Variants in CCN4 observed in about 807,000 individuals in gnomAD.
CCN4 encodes cellular communication network factor 4.
Under a neutral mutation model 36.7 loss-of-function variants are expected in CCN4, and 30 were observed. The observed-to-expected ratio is 0.82, with a 90% CI of 0.61 to 1.11. The LOEUF is 1.11. CCN4 is among the 50% of genes least tolerant of loss of function. The probability of loss-of-function intolerance (pLI) is 0.00; values close to 1 mark genes in which losing one functional copy is unlikely to be tolerated. For synonymous variants in CCN4, 191 were observed against 195.4 expected, an observed-to-expected ratio of 0.98 and a Z score of 0.19; for missense variants, 505 against 504.9, an observed-to-expected ratio of 1.00 and a Z score of 0.00.
Position 133,213,005 on chromosome 8 carries a change from G to A in CCN4, c.211G>A (p.Asp71Asn), listed in dbSNP as rs867469360. The stretch of plus-strand genomic sequence containing the variant: ...CCCGCTGGGGGTCAGCCTCATCACA[G>A]ATGGCTGTGAGTGCTGTAAGATGTG... ...RCPLGVSLIT[D>N]GCECCKMCAQ... Residue 71 changes from aspartate (D) to asparagine (N), a missense_variant, in exon 2 of 5, where the codon GAT (aspartate) becomes AAT (asparagine). Coordinates refer to ENST00000250160, the MANE Select transcript of CCN4 (RefSeq NM_003882.4). 2 of 1,614,166 alleles carry A rather than the reference G, an allele frequency of 1.2e-6. No individual in the cohort carries two copies. The highest frequency in any genetic ancestry group is 3.3e-4 in the Middle Eastern group (2 of 6,062).
chr8:133,217,172 A>G (rs1028177965), intron 2 of CCN4, among the ~76,000 whole-genome samples: 9 of 152,250 alleles, frequency 5.9e-5, no homozygotes, highest in Non-Finnish European at 1.0e-4. Flanking sequence ...TGCCTGCTAC[A>G]TGGCAGGAGC....
intron 1 of CCN4, among the ~76,000 whole-genome samples, chr8:133,196,432 A>G (rs984648806): frequency 5.3e-5 from 8 of 152,224 alleles, no homozygotes; most frequent in African/African-American, 1.7e-4. Context: ...GGTTAAACAC[A>G]ATCTATTATT....
chr8:133,218,576 T>A (rs564920519), intron 2 of CCN4, among the ~76,000 whole-genome samples: 2 of 152,310 alleles, frequency 1.3e-5, no homozygotes, highest in East Asian at 3.9e-4. Flanking sequence ...TCGAAAACCT[T>A]CATGCCTGCT....
At position 133,228,126 on chromosome 8, in the gene CCN4, A is replaced by T. The variant is rs1324711163; in HGVS notation, c.*416A>T. On this transcript the variant is annotated 3_prime_UTR_variant, in exon 5 of 5. Transcript: ENST00000250160. ...ATGAATAGATGGAATTTGGAACAAT[A>T]GAATAATCTATTATTTGGAGCCTGC... The T allele has an allele frequency of 6.0e-6, 1 of 165,746 alleles. No homozygotes were observed. The highest frequency in any genetic ancestry group is 1.3e-5 in the Non-Finnish European group (1 of 76,762). The allele number at this position is 165,746 out of a possible 1,614,324, so 10.3% of individuals were successfully genotyped here. A position where few individuals can be genotyped will look rare whatever the true frequency, so the allele number is the denominator to read the frequency against.
At chr8:133,198,749 C>T (rs908392586) in intron 1 of CCN4, among the ~76,000 whole-genome samples, 4 of 152,190 alleles carry the variant, frequency 2.6e-5, no homozygotes, top group African/African-American at 7.2e-5. Context: ...CCAGCTGGGA[C>T]TCTCTGCTGG....
At chr8:133,211,117 C>G (rs1198933201) in intron 1 of CCN4, among the ~76,000 whole-genome samples, 1 of 152,202 alleles carries the variant, frequency 6.6e-6, no homozygotes, top group African/African-American at 2.4e-5. Context: ...GAACCACTTT[C>G]CTCATCCCTG....
chr8:133,227,575 G>C lies in CCN4; in HGVS notation c.969G>C (p.Gln323His), dbSNP rs757724822. 6.2e-7 allele frequency: 1 copy of C among 1,614,222 alleles called. No homozygotes were observed. The highest frequency in any genetic ancestry group is 8.5e-7 in the Non-Finnish European group (1 of 1,180,048). The change falls in exon 5 of 5, where the codon CAG (glutamine) becomes CAC (histidine). Residue 323 changes from glutamine to histidine, a missense_variant. Transcript: ENST00000250160. ...YKSKTIDVSF[Q>H]CPDGLGFSRQ... ...CTAAGACTATCGACGTGTCCTTCCA[G>C]TGTCCTGATGGGCTTGGCTTCTCCC...
Position 133,229,266 on chromosome 8 carries a change from T to G in CCN4, c.*1556T>G, listed in dbSNP as rs1854866550. 2 of 152,220 alleles carry G rather than the reference T, an allele frequency of 1.3e-5. No homozygotes were observed. The highest frequency in any genetic ancestry group is 2.9e-5 in the Non-Finnish European group (2 of 68,036). The allele number at this position is 152,220 out of a possible 1,614,324, so 9.4% of individuals were successfully genotyped here. A position where few individuals can be genotyped will look rare whatever the true frequency, so the allele number is the denominator to read the frequency against. On this transcript the variant is annotated 3_prime_UTR_variant, in exon 5 of 5. Transcript: ENST00000250160. Reference sequence around the variant, plus strand: ...CTTTATAACCCATATTTTCCCCCTGTTTTTAGAGCTTCCAAATGTGTCAGA... The same window carrying G: ...CTTTATAACCCATATTTTCCCCCTGGTTTTAGAGCTTCCAAATGTGTCAGA...
chr8:133,217,936 C>CCACACACACACACGCA (rs56318195), intron 2 of CCN4, among the ~76,000 whole-genome samples: 9 of 144,520 alleles, frequency 6.2e-5, no homozygotes, highest in Non-Finnish European at 1.0e-4. Flanking sequence ...ACTCCCTTCT[C>CCACACACACACACGCA]CACACACACA....
intron 1 of CCN4, among the ~76,000 whole-genome samples, chr8:133,202,566 C>A (rs1278804962): frequency 6.6e-6 from 1 of 152,236 alleles, no homozygotes; most frequent in Admixed American, 6.5e-5. Flanking sequence ...TCCCCGCCTG[C>A]ATGTTTATAA....
chr8:133,211,659 C>G (rs762957498), intron 1 of CCN4, among the ~76,000 whole-genome samples: 8 of 152,278 alleles, frequency 5.3e-5, no homozygotes, highest in Middle Eastern at 6.8e-3. Flanking sequence ...AGGGAGCAGC[C>G]CAGAGCCCAG....
chr8:133,213,962 C>CCTATATATAG, intron 2 of CCN4, among the ~76,000 whole-genome samples: 1 of 17,296 alleles, frequency 5.8e-5, no homozygotes, highest in African/African-American at 2.0e-4. Flanking sequence ...GTTATATATA[C>CCTATATATAG]TATATATACA....
At chr8:133,223,355 C>G (rs959276653) in intron 3 of CCN4, among the ~76,000 whole-genome samples, 1 of 152,170 alleles carries the variant, frequency 6.6e-6, no homozygotes, top group Non-Finnish European at 1.5e-5. Flanking sequence ...CCCTCCCCAC[C>G]ACCTCCCAAG....
intron 1 of CCN4, among the ~76,000 whole-genome samples, chr8:133,197,091 A>ATGG (rs900451937): frequency 2.9e-4 from 44 of 151,458 alleles, no homozygotes; most frequent in African/African-American, 6.5e-4. Context: ...GATGATGATG[A>ATGG]TGGTGGTGGT....
At chr8:133,225,273 C>A in intron 3 of CCN4, 117 bp from the exon 4 acceptor site, 1 of 1,118,710 alleles carries the variant, frequency 8.9e-7, no homozygotes, top group Non-Finnish European at 1.3e-6. Context: ...TGGGGAGGTA[C>A]AGCCAATTTC....
At position 133,191,051 on chromosome 8, in the gene CCN4, C is replaced by T; in HGVS notation, c.-94C>T. On this transcript the variant is annotated 5_prime_UTR_variant, in exon 1 of 5. Transcript: ENST00000250160. The stretch of plus-strand genomic sequence containing the variant: ...CTGCGGAAGAGGCATATCTGGTGCT[C>T]CTGATGGGCCGGCCAGTCTGGGCCC... The T allele has an allele frequency of 1.5e-6, 2 of 1,371,288 alleles. No homozygotes were observed. Among genetic ancestry groups the T allele is most frequent in the Admixed American group, 1.8e-5 (1 of 57,038 alleles). 84.9% of individuals were successfully genotyped at this position (1,371,288 alleles called of 1,614,324 possible).
chr8:133,222,391 T>G (rs1014250268), intron 3 of CCN4, among the ~76,000 whole-genome samples: 1 of 149,616 alleles, frequency 6.7e-6, no homozygotes, highest in African/African-American at 2.5e-5. Flanking sequence ...GGAGATCTAC[T>G]CTGTTTGAAA....
Position 133,229,434 on chromosome 8 carries a change from C to G in CCN4, c.*1724C>G, listed in dbSNP as rs1000411788. Reference sequence around the variant, plus strand: ...AAGCATCCAAAATACATGGGACACACAAAAATCCAGGAATCCCCTGTAGCT... The same window carrying G: ...AAGCATCCAAAATACATGGGACACAGAAAAATCCAGGAATCCCCTGTAGCT... On this transcript the variant is annotated 3_prime_UTR_variant, in exon 5 of 5. Transcript: ENST00000250160. The G allele has an allele frequency of 1.3e-5, 2 of 152,178 alleles. No individual in the cohort carries two copies. The highest frequency in any genetic ancestry group is 4.8e-5 in the African/African-American group (2 of 41,444). 9.4% of individuals were successfully genotyped at this position (152,178 alleles called of 1,614,324 possible).
At chr8:133,201,585 T>C (rs1853588513) in intron 1 of CCN4, among the ~76,000 whole-genome samples, 1 of 152,212 alleles carries the variant, frequency 6.6e-6, no homozygotes, top group Non-Finnish European at 1.5e-5. Flanking sequence ...CTCATGCTTG[T>C]AATCCCAGCA....
Sources: allele counts gnomAD v4.1 joint callset (sites outside exome capture counted in the v4.1 genomes callset), GRCh38; gene constraint gnomAD v4.1.1; transcripts MANE v1.5; gene names NCBI Gene and HGNC (gene_info 2026-07-23, HGNC 2026-07-21).